PALD1: variants seen among roughly 807,000 people sequenced by gnomAD.
PALD1 encodes paladin.
PALD1 carries 57 observed loss-of-function variants against 96.0 expected under a neutral mutation model. That is an observed-to-expected ratio of 0.59 (90% CI 0.48 to 0.74). The LOEUF is 0.74. Ranked by LOEUF, PALD1 falls within the 30% of genes least tolerant of loss-of-function variation. The pLI is 0.00. For synonymous variants in PALD1, 464 were observed against 473.6 expected (o/e 0.98, Z 0.26); for missense variants, 1,063 against 1,143.7 (o/e 0.93, Z 1.02).
At chr10:70,552,109 G>A (rs1295384063) in intron 18 of PALD1, among the ~76,000 whole-genome samples, 2 of 152,216 alleles carry the variant, frequency 1.3e-5, no homozygotes, top group African/African-American at 2.4e-5. Flanking sequence ...GGCCCTGGGC[G>A]GACACTGAGT....
At chr10:70,459,408 C>G in the PALD1 span, among the ~76,000 whole-genome samples, 1 of 152,182 alleles carries the variant, frequency 6.6e-6, no homozygotes, top group Non-Finnish European at 1.5e-5. Flanking sequence ...TTTAAAAGCC[C>G]CCTCCCGCGA....
intron 17 of PALD1, among the ~76,000 whole-genome samples, chr10:70,542,165 GC>G (rs1847263618): frequency 1.3e-5 from 2 of 152,144 alleles, no homozygotes; most frequent in Non-Finnish European, 2.9e-5. Flanking sequence ...GGCCCTGACC[GC>G]CATGCAGCAC....
the PALD1 span, among the ~76,000 whole-genome samples, chr10:70,472,589 G>A: frequency 9.9e-5 from 15 of 152,118 alleles, no homozygotes; most frequent in Admixed American, 9.8e-4. Context: ...GGAGGGAGAG[G>A]GTGGGACGGA....
At chr10:70,497,784 C>T (rs987633492) in intron 1 of PALD1, among the ~76,000 whole-genome samples, 1 of 152,070 alleles carries the variant, frequency 6.6e-6, no homozygotes, top group African/African-American at 2.4e-5. Flanking sequence ...ACCATGTTAA[C>T]CAGGATGGTC....
At chr10:70,498,826 G>A (rs1846241356) in intron 1 of PALD1, among the ~76,000 whole-genome samples, 1 of 151,934 alleles carries the variant, frequency 6.6e-6, no homozygotes, top group Non-Finnish European at 1.5e-5. Context: ...TACTTTTGAG[G>A]CTGAGGCTGG....
At chr10:70,483,659 G>A (rs1474781006) in intron 1 of PALD1, among the ~76,000 whole-genome samples, 1 of 152,254 alleles carries the variant, frequency 6.6e-6, no homozygotes, top group Admixed American at 6.5e-5. Context: ...TGTGGGCTGT[G>A]CCGGCCTCTG....
rs1401825998 is a variant in PALD1, at chr10:70,539,813, C to T, written c.1908+51C>T. On this transcript the variant is annotated intron_variant, in intron 15 of 19. Transcript: ENST00000263563. This position sits in a 1 kb window ranked among gnomAD's most constrained non-coding sequence, Gnocchi z 4.5. The stretch of plus-strand genomic sequence containing the variant: ...CTCTGGGGAGGGACAGGAGGCCTCC[C>T]TGTCTCCCCTCTGGTCTGGGCTCTG... 4.7e-6 allele frequency: 7 copies of T among 1,477,346 alleles called. No individual in the cohort carries two copies. The highest frequency in any genetic ancestry group is 4.6e-6 in the Non-Finnish European group (5 of 1,084,156). The allele number at this position is 1,477,346 out of a possible 1,614,324, so 91.5% of individuals were successfully genotyped here. A position where few individuals can be genotyped will look rare whatever the true frequency, so the allele number is the denominator to read the frequency against.
chr10:70,557,097 G>T (rs908952294), intron 18 of PALD1, among the ~76,000 whole-genome samples: 1 of 152,250 alleles, frequency 6.6e-6, no homozygotes, highest in African/African-American at 2.4e-5. Context: ...AAGCAAAAGA[G>T]CCCTGGGTCA....
intron 10 of PALD1, among the ~76,000 whole-genome samples, chr10:70,536,791 TGGCCCTTCTTTAGG>T (rs1408531779): frequency 6.6e-6 from 1 of 152,208 alleles, no homozygotes; most frequent in East Asian, 1.9e-4. Context: ...CCAAAGGGCG[TGGCCCTTCTTTAGG>T]GCCTCTGTGA....
At chr10:70,536,968 G>A (rs1377836040) in intron 10 of PALD1, among the ~76,000 whole-genome samples, 2 of 152,172 alleles carry the variant, frequency 1.3e-5, no homozygotes, top group African/African-American at 4.8e-5. Context: ...TCTGTTTGCT[G>A]TCAGCTGTGT....
upstream of PALD1, among the ~76,000 whole-genome samples, chr10:70,478,008 G>A (rs1845855165): frequency 6.6e-6 from 1 of 150,968 alleles, no homozygotes; most frequent in African/African-American, 2.4e-5. Flanking sequence ...GCTGGCTGCC[G>A]CCTAGTGCTA....
At chr10:70,459,257 G>C in the PALD1 span, among the ~76,000 whole-genome samples, 1 of 152,210 alleles carries the variant, frequency 6.6e-6, no homozygotes, top group Admixed American at 6.5e-5. Flanking sequence ...ATGAGGAACC[G>C]GGGCTCGGAG....
At chr10:70,532,020 G>T (rs1847003932) in intron 5 of PALD1, among the ~76,000 whole-genome samples, 1 of 151,864 alleles carries the variant, frequency 6.6e-6, no homozygotes, top group African/African-American at 2.4e-5. Flanking sequence ...AGGGTTCTAG[G>T]TGAGTGAAAA....
chr10:70,561,789 C>T (rs1191165839), intron 18 of PALD1, among the ~76,000 whole-genome samples: 1 of 152,124 alleles, frequency 6.6e-6, no homozygotes, highest in Non-Finnish European at 1.5e-5. Flanking sequence ...TCCCTGGGGA[C>T]TCACCTCATT....
chr10:70,535,338 GCTT>G (rs1446374103), intron 10 of PALD1, among the ~76,000 whole-genome samples: 9 of 152,210 alleles, frequency 5.9e-5, no homozygotes, highest in East Asian at 1.9e-4. Flanking sequence ...CACAGAGGCA[GCTT>G]CTTCTTTTTT....
rs1011675769 is a variant in PALD1, at chr10:70,539,460, G to T, written c.1726-120G>T. The T allele has an allele frequency of 3.4e-5, 37 of 1,075,026 alleles. No homozygotes were observed. The highest frequency in any genetic ancestry group is 2.1e-4 in the East Asian group (8 of 38,556). 66.6% of individuals were successfully genotyped at this position (1,075,026 alleles called of 1,614,324 possible). On this transcript the variant is annotated intron_variant, in intron 14 of 19. Transcript: ENST00000263563. This position sits in a 1 kb window ranked among gnomAD's most constrained non-coding sequence, Gnocchi z 4.5. ...GGGTGGCTGTGACCCCTGAGGCTTG[G>T]GGGGGTCAGGGATGGGACTGGAAGC... is the stretch of plus-strand genomic sequence containing the variant.
chr10:70,478,063 G>A (rs1332594379), upstream of PALD1, among the ~76,000 whole-genome samples: 1 of 151,864 alleles, frequency 6.6e-6, no homozygotes, highest in East Asian at 1.9e-4. Context: ...GCAGGCCTAT[G>A]GTGCGGGTCA....
intron 1 of PALD1, among the ~76,000 whole-genome samples, chr10:70,506,114 G>A (rs1444628853): frequency 1.3e-5 from 2 of 152,152 alleles, no homozygotes; most frequent in African/African-American, 4.8e-5. Context: ...TGCACTTCCC[G>A]TTTTATCACA....
In PALD1 at chr10:70,567,465, A is replaced by AG. The variant is rs1423418987; in HGVS notation, c.*734dup. On this transcript the variant is annotated 3_prime_UTR_variant, in exon 20 of 20. Transcript: ENST00000263563. ...CTTCCAGGGGGCGAACGCAGCACAGAGGAAGAGGCCTGCTCCACTTGTCTG... is the reference window on the plus strand; with the variant it reads ...CTTCCAGGGGGCGAACGCAGCACAGAGGGAAGAGGCCTGCTCCACTTGTCTG... 6.5e-6 allele frequency: 1 copy of AG among 152,766 alleles called. No homozygotes were observed. The highest frequency in any genetic ancestry group is 1.5e-5 in the Non-Finnish European group (1 of 68,202). The allele number at this position is 152,766 out of a possible 1,614,324, so 9.5% of individuals were successfully genotyped here.
Sources: allele counts gnomAD v4.1 joint callset (sites outside exome capture counted in the v4.1 genomes callset), GRCh38; gene constraint gnomAD v4.1.1; non-coding constraint Gnocchi (gnomAD v3.1); transcripts MANE v1.5; gene names NCBI Gene and HGNC (gene_info 2026-07-23, HGNC 2026-07-21).